MB21D2: variants seen among roughly 807,000 people sequenced by gnomAD.
MB21D2 encodes nucleotidyltransferase MB21D2.
In MB21D2, 9 loss-of-function variants were observed where a neutral mutation model predicts 33.3. That is an observed-to-expected ratio of 0.27 (90% CI 0.16 to 0.47). The LOEUF is 0.47. MB21D2 is among the 20% of genes least tolerant of loss of function. MB21D2 has a pLI of 0.99. For missense variants in MB21D2, 540 were observed against 624.6 expected (o/e 0.86, Z 1.44); for synonymous variants, 241 against 236.3 (o/e 1.02, Z -0.18).
chr3:192,909,321 G>A (rs908516053), intron 1 of MB21D2, among the ~76,000 whole-genome samples: 3 of 151,700 alleles, frequency 2.0e-5, no homozygotes, highest in African/African-American at 7.3e-5. Flanking sequence ...TTGTGATAGA[G>A]TACCCTATGT....
chr3:192,903,489 A>G (rs990828901), intron 1 of MB21D2, among the ~76,000 whole-genome samples: 1 of 152,232 alleles, frequency 6.6e-6, no homozygotes, highest in African/African-American at 2.4e-5. Flanking sequence ...AAAAAAGTTC[A>G]TAGTTATTTG....
intron 1 of MB21D2, among the ~76,000 whole-genome samples, chr3:192,915,641 T>C (rs560614753): frequency 1.3e-5 from 2 of 152,330 alleles, no homozygotes; most frequent in Non-Finnish European, 2.9e-5. Flanking sequence ...AAATCTAGTT[T>C]ACCTGTCAAC....
Position 192,799,028 on chromosome 3 carries a change from G to A in MB21D2, c.834C>T (p.Ser278=). The part of the protein sequence containing the change: ...ISGFYLVPAC[S]YKGKKDNEWR... ...ATTCATTGTCCTTCTTACCCTTGTA[G>A]GAGCAAGCAGGCACCAAGTAAAACC... Residue 278 remains serine, a synonymous_variant, in exon 2 of 2, where the codon TCC becomes TCT. Transcript: ENST00000392452. This position sits in a 1 kb window ranked among gnomAD's most constrained non-coding sequence, Gnocchi z 4.1. The A allele has an allele frequency of 1.9e-6, 3 of 1,614,064 alleles. No individual in the cohort carries two copies. The highest frequency in any genetic ancestry group is 2.5e-6 in the Non-Finnish European group (3 of 1,180,016).
At chr3:192,871,426 G>A (rs942501586) in intron 1 of MB21D2, among the ~76,000 whole-genome samples, 2 of 152,150 alleles carry the variant, frequency 1.3e-5, no homozygotes, top group Non-Finnish European at 2.9e-5. Flanking sequence ...CCGACACTGA[G>A]AGGGATACAG....
intron 1 of MB21D2, among the ~76,000 whole-genome samples, chr3:192,877,997 A>C (rs529563543): frequency 2.0e-4 from 30 of 151,168 alleles, no homozygotes; most frequent in Non-Finnish European, 4.0e-4. Context: ...AAAGAAAAAG[A>C]AACACTGAGA....
intron 1 of MB21D2, among the ~76,000 whole-genome samples, chr3:192,850,425 C>T (rs918822726): frequency 6.6e-6 from 1 of 152,186 alleles, no homozygotes; most frequent in South Asian, 2.1e-4. Context: ...ACTTGAGGTT[C>T]GAGGCTCTCA....
intron 1 of MB21D2, among the ~76,000 whole-genome samples, chr3:192,834,712 T>C (rs562474929): frequency 9.9e-5 from 15 of 152,086 alleles, no homozygotes; most frequent in Non-Finnish European, 1.9e-4. Context: ...ACAAATGCAA[T>C]GCTGGCAGAA....
At position 192,827,266 on chromosome 3, in the gene MB21D2, C is replaced by T. The variant is rs543084537; in HGVS notation, c.212-27616G>A. Among the ~76,000 whole-genome samples the T allele has an allele frequency of 3.3e-5, 5 of 152,220 alleles. No individual in the cohort carries two copies. In the South Asian group the frequency reaches 1.0e-3, roughly 32 times the overall value. On this transcript the variant is annotated intron_variant, in intron 1 of 1. Transcript: ENST00000392452. The stretch of plus-strand genomic sequence containing the variant: ...TCAAATTAAGAAGCAAAATTTCACA[C>T]TTTCCAAGCTCCCCAACCTATTAAC...
intron 1 of MB21D2, among the ~76,000 whole-genome samples, chr3:192,828,367 G>A (rs1314737106): frequency 6.6e-6 from 1 of 151,204 alleles, no homozygotes; most frequent in Non-Finnish European, 1.5e-5. Context: ...GTCCTACCTG[G>A]AGTGTGCTCT....
rs761094039 is a variant in MB21D2, at chr3:192,798,383, C to CGTTA, written c.*2_*3insTAAC. The stretch of plus-strand genomic sequence containing the variant: ...ATCAGGAAAAAAAAAAGTCAGCTAA[C>CGTTA]ACTCAGAAAAATTTGTCATCAATTC... On this transcript the variant is annotated 3_prime_UTR_variant, in exon 2 of 2. Transcript: ENST00000392452. The surrounding 1 kb of genome is among the most constrained non-coding windows in gnomAD (Gnocchi z 4.8). 1.8e-5 allele frequency: 29 copies of CGTTA among 1,612,328 alleles called. No individual in the cohort carries two copies. The highest frequency in any genetic ancestry group is 2.5e-5 in the Non-Finnish European group (29 of 1,178,758).
intron 1 of MB21D2, among the ~76,000 whole-genome samples, chr3:192,916,613 G>C (rs1442327272): frequency 1.3e-5 from 2 of 152,216 alleles, no homozygotes; most frequent in African/African-American, 4.8e-5. Flanking sequence ...TCCGCTGGCG[G>C]AGCCGCAAGT....
At position 192,799,795 on chromosome 3, in the gene MB21D2, G is replaced by A; in HGVS notation, c.212-145C>T. On this transcript the variant is annotated intron_variant, in intron 1 of 1. Coordinates refer to ENST00000392452, the MANE Select transcript of MB21D2 (RefSeq NM_178496.4). The surrounding 1 kb of genome is among the most constrained non-coding windows in gnomAD (Gnocchi z 4.1). ...AATCTCAGGCTGCTGCAGAGACCTGGCCAACAGTACTTTCTCACTAGTGCT... is the reference window on the plus strand; with the variant it reads ...AATCTCAGGCTGCTGCAGAGACCTGACCAACAGTACTTTCTCACTAGTGCT... 4.8e-6 allele frequency: 4 copies of A among 836,822 alleles called. No individual in the cohort carries two copies. The South Asian group carries it at 7.7e-5, about 16-fold the overall frequency. 51.8% of individuals were successfully genotyped at this position (836,822 alleles called of 1,614,324 possible).
rs1296544101 is a variant in MB21D2, at chr3:192,878,103, G to GTTTTTTTTT, written c.211+39526_211+39527insAAAAAAAAA. Among the ~76,000 whole-genome samples the GTTTTTTTTT allele has an allele frequency of 2.1e-3, 286 of 134,142 alleles. 1 individual carries two copies. The highest frequency in any genetic ancestry group is 2.9e-3 in the Non-Finnish European group (188 of 64,040). The allele number at this position is 134,142 out of a possible 152,430, so 88.0% of individuals were successfully genotyped here. A position where few individuals can be genotyped will look rare whatever the true frequency, so the allele number is the denominator to read the frequency against. ...CCTCTTTTTTTTTTTTTTTTTTTTG[G>GTTTTTTTTT]TTTTTTTTGTTTTTGAGACGGAGTC... On this transcript the variant is annotated intron_variant, in intron 1 of 1. Coordinates refer to ENST00000392452, the MANE Select transcript of MB21D2 (RefSeq NM_178496.4).
intron 1 of MB21D2, among the ~76,000 whole-genome samples, chr3:192,844,415 A>G (rs148430539): frequency 1.4e-4 from 21 of 152,302 alleles, no homozygotes; most frequent in African/African-American, 5.1e-4. Flanking sequence ...AGGCAGAAGT[A>G]TCTCTTCCCA....
At chr3:192,900,531 G>A (rs6771586) in intron 1 of MB21D2, among the ~76,000 whole-genome samples, 1 of 151,660 alleles carries the variant, frequency 6.6e-6, no homozygotes, top group Non-Finnish European at 1.5e-5. Flanking sequence ...TGGTTTTTTC[G>A]TTTAGGGTAT....
intron 1 of MB21D2, among the ~76,000 whole-genome samples, chr3:192,875,892 GT>G (rs1163792718): frequency 1.3e-5 from 2 of 152,136 alleles, no homozygotes; most frequent in Non-Finnish European, 2.9e-5. Flanking sequence ...ATTTCTACAT[GT>G]TTTTTTAGAG....
intron 1 of MB21D2, among the ~76,000 whole-genome samples, chr3:192,809,942 T>C (rs1711750562): frequency 6.6e-6 from 1 of 152,192 alleles, no homozygotes; most frequent in African/African-American, 2.4e-5. Context: ...TTCCCACATA[T>C]TCAGATGCGT....
At chr3:192,833,293 C>CA (rs1043759865) in intron 1 of MB21D2, among the ~76,000 whole-genome samples, 1 of 152,106 alleles carries the variant, frequency 6.6e-6, no homozygotes, top group African/African-American at 2.4e-5. Context: ...AGAGACTAAA[C>CA]AAAAAATAAT....
chr3:192,865,308 G>A (rs1448334883), intron 1 of MB21D2, among the ~76,000 whole-genome samples: 1 of 152,188 alleles, frequency 6.6e-6, no homozygotes, highest in East Asian at 1.9e-4. Context: ...TGAACTGCAA[G>A]GTAGAAGATG....
Sources: allele counts gnomAD v4.1 joint callset (sites outside exome capture counted in the v4.1 genomes callset), GRCh38; gene constraint gnomAD v4.1.1; non-coding constraint Gnocchi (gnomAD v3.1); transcripts MANE v1.5; gene names NCBI Gene and HGNC (gene_info 2026-07-23, HGNC 2026-07-21).